The following DSCAML1 variants were observed in gnomAD, a reference collection of about 807,000 sequenced individuals.
DSCAML1 encodes the protein DS cell adhesion molecule like 1, also known as cell adhesion molecule DSCAML1.
In DSCAML1, 38 loss-of-function variants were observed where a neutral mutation model predicts 200.5. The observed-to-expected ratio is 0.19, with a 90% CI of 0.15 to 0.25. The LOEUF (loss-of-function observed/expected upper bound fraction) is 0.25. Ranked by LOEUF, DSCAML1 falls within the 10% of genes least tolerant of loss-of-function variation. DSCAML1 has a pLI of 1.00. For missense variants in DSCAML1, 2,223 were observed against 2,858.8 expected (o/e 0.78, Z 5.07); for synonymous variants, 1,215 against 1,165.0 (o/e 1.04, Z -0.87).
intron 8 of DSCAML1, among the ~76,000 whole-genome samples, chr11:117,512,685 CAT>C (rs139115266): frequency 0.067 from 4,518 of 67,656 alleles, 97 homozygotes; most frequent in East Asian, 0.11. Flanking sequence ...CACACACACA[CAT>C]GCCTGCTATG....
At chr11:117,666,190 C>T (rs1036848315) in intron 3 of DSCAML1, among the ~76,000 whole-genome samples, 5 of 152,156 alleles carry the variant, frequency 3.3e-5, no homozygotes, top group African/African-American at 4.8e-5. Flanking sequence ...ATCCAGCCTC[C>T]GGTGCTTCCT....
At chr11:117,590,992 TG>T (rs2051248143) in intron 3 of DSCAML1, among the ~76,000 whole-genome samples, 1 of 152,184 alleles carries the variant, frequency 6.6e-6, no homozygotes, top group South Asian at 2.1e-4. Context: ...ATGAAGCTGG[TG>T]TAGACACATC....
chr11:117,448,576 C>G (rs2048224934), intron 20 of DSCAML1, among the ~76,000 whole-genome samples: 2 of 141,264 alleles, frequency 1.4e-5, no homozygotes, highest in Non-Finnish European at 3.0e-5. Flanking sequence ...TGAAGAGGCA[C>G]AGTATTGTCC....
chr11:117,714,105 T>C (rs2053903608), intron 3 of DSCAML1, among the ~76,000 whole-genome samples: 3 of 152,236 alleles, frequency 2.0e-5, no homozygotes, highest in Admixed American at 6.5e-5. Context: ...ATCCTAATCC[T>C]AGGGTTGTTG....
intron 3 of DSCAML1, among the ~76,000 whole-genome samples, chr11:117,582,699 A>G (rs763477289): frequency 6.6e-6 from 1 of 152,162 alleles, no homozygotes; most frequent in Non-Finnish European, 1.5e-5. Flanking sequence ...CCTGCCAGGA[A>G]GCCGGGCCCC....
chr11:117,436,979 A>T, intron 26 of DSCAML1, 143 bp downstream of exon 26: 2 of 1,200,920 alleles, frequency 1.7e-6, no homozygotes, highest in Non-Finnish European at 2.3e-6. Flanking sequence ...CAGCCCCTTC[A>T]CCTGCAGGCC....
At chr11:117,689,028 G>A (rs1282179670) in intron 3 of DSCAML1, among the ~76,000 whole-genome samples, 2 of 152,142 alleles carry the variant, frequency 1.3e-5, no homozygotes, top group Non-Finnish European at 2.9e-5. Context: ...TAGCTCCAGG[G>A]AAGCAGCACA....
At chr11:117,672,651 G>A (rs1036311039) in intron 3 of DSCAML1, among the ~76,000 whole-genome samples, 4 of 152,196 alleles carry the variant, frequency 2.6e-5, no homozygotes, top group African/African-American at 9.7e-5. Context: ...TACGTGTTCC[G>A]CTGTTTGTCC....
chr11:117,640,463 A>G (rs2052384996), intron 3 of DSCAML1, among the ~76,000 whole-genome samples: 1 of 152,192 alleles, frequency 6.6e-6, no homozygotes, highest in South Asian at 2.1e-4. Context: ...CGTCATACAG[A>G]GGCAAGTGTC....
intron 3 of DSCAML1, among the ~76,000 whole-genome samples, chr11:117,623,553 G>A (rs895221475): frequency 6.6e-6 from 1 of 152,114 alleles, no homozygotes; most frequent in African/African-American, 2.4e-5. Flanking sequence ...CCCTTAGCAT[G>A]GGATCTAGGG....
At chr11:117,459,637 A>G (rs924569291) in intron 18 of DSCAML1, among the ~76,000 whole-genome samples, 6 of 152,228 alleles carry the variant, frequency 3.9e-5, no homozygotes, top group Non-Finnish European at 8.8e-5. Context: ...GGACCTTCTC[A>G]TAGACTCTAA....
chr11:117,777,012 A>G (rs2055139821), intron 2 of DSCAML1, 75 bp from the exon 3 acceptor site: 2 of 1,507,360 alleles, frequency 1.3e-6, no homozygotes, highest in South Asian at 1.2e-5. Flanking sequence ...AGGAACAGGG[A>G]GTCAGCTCAA....
chr11:117,493,304 CT>C (rs973902119), intron 11 of DSCAML1, among the ~76,000 whole-genome samples: 1 of 150,192 alleles, frequency 6.7e-6, no homozygotes, highest in Admixed American at 6.7e-5. Flanking sequence ...AGTTTTCCCC[CT>C]GCCTCTGGTC....
At chr11:117,687,104 C>T (rs892574905) in intron 3 of DSCAML1, among the ~76,000 whole-genome samples, 3 of 151,964 alleles carry the variant, frequency 2.0e-5, no homozygotes, top group Non-Finnish European at 4.4e-5. Flanking sequence ...AGGCAGAAGG[C>T]CAAGGACTCT....
At position 117,503,766 on chromosome 11, in the gene DSCAML1, A is replaced by C; in HGVS notation, c.2359+79T>G. 6.8e-7 allele frequency: 1 copy of C among 1,461,630 alleles called. No individual in the cohort carries two copies. The highest frequency in any genetic ancestry group is 9.3e-7 in the Non-Finnish European group (1 of 1,078,916). 90.5% of individuals were successfully genotyped at this position (1,461,630 alleles called of 1,614,324 possible). On this transcript the variant is annotated intron_variant, in intron 11 of 32. Coordinates refer to ENST00000651296, the MANE Select transcript of DSCAML1 (RefSeq NM_020693.4). This position sits in a 1 kb window ranked among gnomAD's most constrained non-coding sequence, Gnocchi z 5.2. ...CATAGATGAAACGACGGAGACTAAG[A>C]GAGTAGGCAGGGAGAGTGCAGAGCC...
chr11:117,788,248 C>T (rs2055397048), intron 1 of DSCAML1, among the ~76,000 whole-genome samples: 1 of 152,240 alleles, frequency 6.6e-6, no homozygotes, highest in Non-Finnish European at 1.5e-5. Context: ...ACCTGCTCCA[C>T]CACTACCTTC....
rs1424553971 is a variant in DSCAML1 at position 117,769,230 on chromosome 11, A to ATT, written c.511+7559_511+7560dup. On this transcript the variant is annotated intron_variant, in intron 3 of 32. Transcript: ENST00000651296. ...TATATATTTTATATATATTGTATAT[A>ATT]TTATATATTTTATATATGTATATAT... Among the ~76,000 whole-genome samples, 17 of 26,692 alleles carry ATT rather than the reference A, an allele frequency of 6.4e-4. 1 individual carries two copies. The highest frequency in any genetic ancestry group is 1.1e-3 in the Non-Finnish European group (17 of 14,924). 17.5% of individuals were successfully genotyped at this position (26,692 alleles called of 152,430 possible).
chr11:117,442,032 ATGTGTGTGTGTGTG>A (rs3057896), intron 21 of DSCAML1, among the ~76,000 whole-genome samples: 1 of 143,732 alleles, frequency 7.0e-6, no homozygotes, highest in African/African-American at 2.7e-5. Flanking sequence ...GAGTGTGTGT[ATGTGTGTGTGTGTG>A]TTAGTGTATG....
At chr11:117,779,021 T>G (rs1346614160) in intron 2 of DSCAML1, among the ~76,000 whole-genome samples, 7 of 152,170 alleles carry the variant, frequency 4.6e-5, no homozygotes, top group Non-Finnish European at 1.0e-4. Flanking sequence ...CCCAGCTACT[T>G]TAAACCTTGC....
Sources: allele counts gnomAD v4.1 joint callset (sites outside exome capture counted in the v4.1 genomes callset), GRCh38; gene constraint gnomAD v4.1.1; non-coding constraint Gnocchi (gnomAD v3.1); transcripts MANE v1.5; gene names NCBI Gene and HGNC (gene_info 2026-07-23, HGNC 2026-07-21).